LHFPL4: variants seen among roughly 807,000 people sequenced by gnomAD.
The protein encoded by LHFPL4 is LHFPL tetraspan subfamily member 4.
A neutral mutation model predicts 20.0 loss-of-function variants in LHFPL4; 6 were observed. The ratio of observed to expected loss-of-function variants is 0.30; its 90% CI spans 0.16 to 0.59. The LOEUF (loss-of-function observed/expected upper bound fraction) is 0.59, where lower values mean the gene tolerates loss of function less well. Ranked by LOEUF, LHFPL4 falls within the 20% of genes least tolerant of loss-of-function variation. The probability of loss-of-function intolerance (pLI) is 0.88; values close to 1 mark genes in which losing one functional copy is unlikely to be tolerated. For synonymous variants in LHFPL4, 129 were observed against 143.8 expected, an observed-to-expected ratio of 0.90 and a Z score of 0.74; for missense variants, 215 against 331.2, an observed-to-expected ratio of 0.65 and a Z score of 2.72.
chr3:9,505,824 G>T, intron 3 of LHFPL4, 143 bp downstream of exon 3: 2 of 779,150 alleles, frequency 2.6e-6, no homozygotes, highest in East Asian at 4.9e-5. Flanking sequence ...TTCCCAAAGT[G>T]CTGGGATTAT....
intron 2 of LHFPL4, among the ~76,000 whole-genome samples, chr3:9,523,830 A>G (rs1022800970): frequency 4.0e-5 from 6 of 151,700 alleles, no homozygotes; most frequent in African/African-American, 1.5e-4. Flanking sequence ...ACTGTTTCCC[A>G]TTTTTTTCTC....
At chr3:9,520,501 G>A (rs559053042) in intron 2 of LHFPL4, among the ~76,000 whole-genome samples, 48 of 151,986 alleles carry the variant, frequency 3.2e-4, no homozygotes, top group African/African-American at 9.7e-4. Flanking sequence ...TTACAGGCAC[G>A]TGCCACCACG....
intron 2 of LHFPL4, among the ~76,000 whole-genome samples, chr3:9,509,484 T>C (rs774312648): frequency 2.1e-4 from 32 of 152,190 alleles, no homozygotes; most frequent in Non-Finnish European, 4.3e-4. Flanking sequence ...CCAGGCACTG[T>C]GCAGTGTGCC....
At chr3:9,509,938 G>A (rs868355528) in intron 2 of LHFPL4, among the ~76,000 whole-genome samples, 7 of 152,284 alleles carry the variant, frequency 4.6e-5, no homozygotes, top group Middle Eastern at 3.4e-3. Context: ...CTCCAAGCTC[G>A]AGTCTCTTTT....
At chr3:9,517,036 C>T (rs1366083768) in intron 2 of LHFPL4, among the ~76,000 whole-genome samples, 1 of 152,138 alleles carries the variant, frequency 6.6e-6, no homozygotes, top group Non-Finnish European at 1.5e-5. Flanking sequence ...CTGCCTCACC[C>T]TCCCAAAGTG....
rs2625888 is a variant in LHFPL4, at chr3:9,510,103, G to A, written c.407-3900C>T. On this transcript the variant is annotated intron_variant, in intron 2 of 3. Transcript: ENST00000287585. ...GCACTGTGGGATACTTAGCATCATC[G>A]GTGGCCTCTACCCACCAGATGCCAG... is the stretch of plus-strand genomic sequence containing the variant. Among the ~76,000 whole-genome samples the A allele has an allele frequency of 2.6e-5, 4 of 152,276 alleles. No individual in the cohort carries two copies. In the East Asian group the frequency reaches 7.7e-4, roughly 29 times the overall value.
intron 2 of LHFPL4, among the ~76,000 whole-genome samples, chr3:9,517,000 TG>T (rs1479451339): frequency 1.3e-5 from 2 of 150,364 alleles, no homozygotes; most frequent in African/African-American, 4.9e-5. Flanking sequence ...AGGTTGGTCT[TG>T]AACTCCTGAC....
At chr3:9,502,453 G>A (rs1241667478) in intron 3 of LHFPL4, 142 bp from the exon 4 acceptor site, 27 of 664,600 alleles carry the variant, frequency 4.1e-5, no homozygotes, top group South Asian at 1.7e-5. Flanking sequence ...TGTAATCCCA[G>A]CACTTTGGGA....
intron 2 of LHFPL4, among the ~76,000 whole-genome samples, chr3:9,528,154 C>T (rs1186279588): frequency 3.3e-5 from 5 of 152,182 alleles, no homozygotes; most frequent in African/African-American, 1.2e-4. Context: ...CATCGATTGA[C>T]TTTTCTTTCA....
chr3:9,510,240 C>T (rs2046248843), intron 2 of LHFPL4, among the ~76,000 whole-genome samples: 1 of 151,932 alleles, frequency 6.6e-6, no homozygotes, highest in Non-Finnish European at 1.5e-5. Flanking sequence ...CACTTGAGGC[C>T]AGGAGTTTAA....
intron 2 of LHFPL4, among the ~76,000 whole-genome samples, chr3:9,512,153 G>C (rs201186804): frequency 2.6e-5 from 4 of 152,160 alleles, no homozygotes; most frequent in South Asian, 2.1e-4. Context: ...GGATGGTCTC[G>C]ATCTCCTGAC....
Position 9,505,977 on chromosome 3 carries a change from C to T in LHFPL4, c.633G>A (p.Pro211=), listed in dbSNP as rs764218608. Reference sequence around the variant, plus strand: ...CCACAGCACACTCGCCTTTGTTCTCCGGCTTGAGCTCCTCCTGCAGCAGGT... The same window carrying T: ...CCACAGCACACTCGCCTTTGTTCTCTGGCTTGAGCTCCTCCTGCAGCAGGT... ...QTDLLQEELK[P]ENKDFVGSTV... The change falls in exon 3 of 4, where the codon CCG becomes CCA. Residue 211 remains proline (P), a synonymous_variant. Coordinates refer to ENST00000287585, the MANE Select transcript of LHFPL4 (RefSeq NM_198560.3). The T allele has an allele frequency of 6.8e-6, 11 of 1,614,018 alleles. No homozygotes were observed. The highest frequency in any genetic ancestry group is 5.0e-5 in the Admixed American group (3 of 60,008).
chr3:9,505,450 T>G (rs1294222337), intron 3 of LHFPL4, among the ~76,000 whole-genome samples: 1 of 151,486 alleles, frequency 6.6e-6, no homozygotes, highest in Admixed American at 6.6e-5. Context: ...TTGTTTTTTT[T>G]TGTTTTTTTG....
intron 2 of LHFPL4, among the ~76,000 whole-genome samples, chr3:9,512,493 T>C (rs1574839781): frequency 6.6e-6 from 1 of 151,864 alleles, no homozygotes; most frequent in African/African-American, 2.4e-5. Flanking sequence ...GGGAAGGAGG[T>C]AAGTTTATTT....
chr3:9,540,606 A>G (rs565160780), intron 2 of LHFPL4, among the ~76,000 whole-genome samples: 1 of 152,294 alleles, frequency 6.6e-6, no homozygotes, highest in East Asian at 1.9e-4. Flanking sequence ...TAATCAAGAC[A>G]GCCTGGGTTG....
rs545893774 is a variant in LHFPL4, at chr3:9,519,594, T to C, written c.407-13391A>G. Among the ~76,000 whole-genome samples the C allele has an allele frequency of 2.0e-5, 3 of 152,262 alleles. No homozygotes were observed. The East Asian group carries it at 5.8e-4, about 29-fold the overall frequency. ...TCTTTTTTTGAGACAGAATCTTACT[T>C]CATCAACAGGTTGTAGTGCAGTGGC... On this transcript the variant is annotated intron_variant, in intron 2 of 3. Coordinates refer to ENST00000287585, the MANE Select transcript of LHFPL4 (RefSeq NM_198560.3).
At chr3:9,544,625 A>AAAAC (rs560511934) in intron 2 of LHFPL4, among the ~76,000 whole-genome samples, 20 of 152,132 alleles carry the variant, frequency 1.3e-4, no homozygotes, top group Admixed American at 3.3e-4. Context: ...ACTCTATCTC[A>AAAAC]AAACAAACAA....
chr3:9,512,526 A>G (rs1482066309), intron 2 of LHFPL4, among the ~76,000 whole-genome samples: 1 of 152,226 alleles, frequency 6.6e-6, no homozygotes, highest in Admixed American at 6.5e-5. Context: ...ACCATGACAG[A>G]GACAAATATC....
chr3:9,539,008 G>A (rs1182314957), intron 2 of LHFPL4, among the ~76,000 whole-genome samples: 1 of 152,034 alleles, frequency 6.6e-6, no homozygotes, highest in Non-Finnish European at 1.5e-5. Context: ...CCCAAATTCA[G>A]GTTTTCTGAC....
Sources: allele counts gnomAD v4.1 joint callset (sites outside exome capture counted in the v4.1 genomes callset), GRCh38; gene constraint gnomAD v4.1.1; transcripts MANE v1.5; gene names NCBI Gene and HGNC (gene_info 2026-07-23, HGNC 2026-07-21).